The following NOX4 variants were observed in gnomAD, a reference collection of about 807,000 sequenced individuals.
NOX4 encodes kidney oxidase-1.
In NOX4, 69 loss-of-function variants were observed where a neutral mutation model predicts 87.6. That is an observed-to-expected ratio of 0.79 (90% CI 0.65 to 0.96). The LOEUF is 0.96. Ranked by LOEUF, NOX4 falls within the 40% of genes least tolerant of loss-of-function variation. The probability of loss-of-function intolerance (pLI) is 0.00; values close to 1 mark genes in which losing one functional copy is unlikely to be tolerated. For missense variants in NOX4, 680 were observed against 681.5 expected (o/e 1.00, Z 0.02); for synonymous variants, 275 against 238.2 (o/e 1.15, Z -1.42).
At chr11:89,389,234 C>T (rs1940945455) in intron 11 of NOX4, among the ~76,000 whole-genome samples, 1 of 152,042 alleles carries the variant, frequency 6.6e-6, no homozygotes, top group South Asian at 2.1e-4. Flanking sequence ...GTAGGGAAGT[C>T]AATGACATGT....
rs563498688 is a variant in NOX4, at chr11:89,467,451, A to G, written c.154-15556T>C. Among the ~76,000 whole-genome samples the G allele has an allele frequency of 5.9e-5, 9 of 152,200 alleles. No homozygotes were observed. The South Asian group carries it at 1.7e-3, about 28-fold the overall frequency. On this transcript the variant is annotated intron_variant, in intron 2 of 17. Coordinates refer to ENST00000263317, the MANE Select transcript of NOX4 (RefSeq NM_016931.5). The stretch of plus-strand genomic sequence containing the variant: ...CAGTCTGCTCTGGATGCTTTAAGAA[A>G]ATACCATAAACTGTGTGGCTTATAA...
chr11:89,520,814 C>A, the NOX4 span, among the ~76,000 whole-genome samples: 1 of 152,140 alleles, frequency 6.6e-6, no homozygotes, highest in Non-Finnish European at 1.5e-5. Context: ...TGCCAAAAGG[C>A]TCCTGGAACT....
At chr11:89,390,220 T>C (rs566289232) in intron 11 of NOX4, among the ~76,000 whole-genome samples, 2 of 152,316 alleles carry the variant, frequency 1.3e-5, no homozygotes, top group Admixed American at 1.3e-4. Context: ...AAATTTAGCT[T>C]AGAAATATTT....
At chr11:89,436,008 C>A (rs950320561) in intron 6 of NOX4, among the ~76,000 whole-genome samples, 7 of 152,052 alleles carry the variant, frequency 4.6e-5, no homozygotes, top group African/African-American at 1.7e-4. Flanking sequence ...TCAGAGTGAT[C>A]AAAAAGTCAG....
chr11:89,405,115 T>TGTGTGTGTGTGTGTG (rs58137988), intron 8 of NOX4, among the ~76,000 whole-genome samples: 166 of 149,914 alleles, frequency 1.1e-3, no homozygotes, highest in South Asian at 3.2e-3. Flanking sequence ...TGTGTGTGTG[T>TGTGTGTGTGTGTGTG]TGGAATGGGG....
At chr11:89,484,799 A>G (rs1024842462) in intron 2 of NOX4, among the ~76,000 whole-genome samples, 1 of 152,192 alleles carries the variant, frequency 6.6e-6, no homozygotes, top group Non-Finnish European at 1.5e-5. Context: ...TCTAAATAAC[A>G]GAATGTTAAG....
At chr11:89,452,241 C>T (rs1226391493) in intron 2 of NOX4, among the ~76,000 whole-genome samples, 1 of 152,172 alleles carries the variant, frequency 6.6e-6, no homozygotes, top group African/African-American at 2.4e-5. Flanking sequence ...TGCACCTCCA[C>T]ATTTATGTGG....
chr11:89,376,193 T>C (rs111366717), intron 11 of NOX4, among the ~76,000 whole-genome samples: 16 of 152,274 alleles, frequency 1.1e-4, no homozygotes, highest in African/African-American at 3.6e-4. Flanking sequence ...ATGAAGTCTT[T>C]ATAAGTCACT....
chr11:89,438,645 T>G lies in NOX4; in HGVS notation c.475+2043A>C, dbSNP rs1306150306. Among the ~76,000 whole-genome samples the G allele has an allele frequency of 6.1e-4, 47 of 77,320 alleles. 1 individual carries two copies. The highest frequency in any genetic ancestry group is 2.6e-3 in the African/African-American group (46 of 17,910). 50.7% of individuals were successfully genotyped at this position (77,320 alleles called of 152,430 possible). A position where few individuals can be genotyped will look rare whatever the true frequency, so the allele number is the denominator to read the frequency against. On this transcript the variant is annotated intron_variant, in intron 6 of 17. Coordinates refer to ENST00000263317, the MANE Select transcript of NOX4 (RefSeq NM_016931.5). ...ATATATTATATACTATATATAATAC[T>G]CTATATAATATATACTATATATTAT...
Position 89,400,373 on chromosome 11 carries a change from G to A in NOX4, c.853C>T (p.Leu285Phe). ...AGGCACAAAGGTCCAGAAATCCAAA[G>A]CCAAGTCTAAGACAAATTTTTGAAA... is the stretch of plus-strand genomic sequence containing the variant. ...RFQANFPQTW[L>F]WISGPLCLYC... The change falls in exon 10 of 18, where the codon CTT becomes TTT. Residue 285 changes from leucine (L) to phenylalanine (F), a missense_variant. By Grantham distance (22) the Leu-to-Phe change is conservative. Coordinates refer to ENST00000263317, the MANE Select transcript of NOX4 (RefSeq NM_016931.5). 1 of 1,570,728 alleles carries A rather than the reference G, an allele frequency of 6.4e-7. No homozygotes were observed. Among genetic ancestry groups the A allele is most frequent in the Non-Finnish European group, 8.6e-7 (1 of 1,160,706 alleles).
chr11:89,547,717 T>C, the NOX4 span, among the ~76,000 whole-genome samples: 1 of 152,188 alleles, frequency 6.6e-6, no homozygotes, highest in Non-Finnish European at 1.5e-5. Flanking sequence ...CACACGATTT[T>C]CAGGATCCAA....
the NOX4 span, among the ~76,000 whole-genome samples, chr11:89,557,915 G>A: frequency 5.9e-5 from 9 of 152,204 alleles, no homozygotes; most frequent in African/African-American, 2.2e-4. Context: ...GTGGTGTCAG[G>A]GAGACAGGAA....
In NOX4 at chr11:89,373,450, T is replaced by C. The variant is rs1939606220; in HGVS notation, c.1117A>G (p.Ile373Val). ...TACATACCTGTCCAGTCTCCTACTA[T>C]TTTAAGATGAACCCCAAATGTTGCT... ...TKATFGVHLK[I>V]VGDWTERFRD... Residue 373 changes from isoleucine to valine, a missense_variant, in exon 12 of 18, where the codon ATA becomes GTA. By Grantham distance (29) the Ile-to-Val change is conservative (BLOSUM62 3). Coordinates refer to ENST00000263317, the MANE Select transcript of NOX4 (RefSeq NM_016931.5). 2 of 1,596,658 alleles carry C rather than the reference T, an allele frequency of 1.3e-6. No homozygotes were observed. The highest frequency in any genetic ancestry group is 1.7e-6 in the Non-Finnish European group (2 of 1,165,120).
chr11:89,574,251 C>T, the NOX4 span, among the ~76,000 whole-genome samples: 1 of 152,160 alleles, frequency 6.6e-6, no homozygotes, highest in Non-Finnish European at 1.5e-5. Flanking sequence ...GTACGCTTGT[C>T]TGATTCCAAC....
Position 89,402,411 on chromosome 11 carries a change from C to T in NOX4, c.761G>A (p.Gly254Glu), listed in dbSNP as rs753538616. ...GGTAAACTCTGCCGGTTTTGAAAATCCTTCAGGGAAAGGTTCATGAAAATG... is the reference window on the plus strand; with the variant it reads ...GGTAAACTCTGCCGGTTTTGAAAATTCTTCAGGGAAAGGTTCATGAAAATG... The part of the protein sequence containing the change: ...SEHFHEPFPE[G>E]FSKPAEFTQH... The change falls in exon 9 of 18, where the codon GGA becomes GAA. Residue 254 changes from glycine (G) to glutamate (E), a missense_variant. Transcript: ENST00000263317. The T allele has an allele frequency of 6.2e-7, 1 of 1,612,964 alleles. No individual in the cohort carries two copies. The highest frequency in any genetic ancestry group is 1.7e-5 in the Admixed American group (1 of 59,850).
chr11:89,503,498 C>T, the NOX4 span, among the ~76,000 whole-genome samples: 8 of 151,728 alleles, frequency 5.3e-5, no homozygotes, highest in Non-Finnish European at 1.0e-4. Context: ...CTCTTTTCAG[C>T]TCATTAATAC....
chr11:89,521,755 T>C, the NOX4 span, among the ~76,000 whole-genome samples: 1 of 152,064 alleles, frequency 6.6e-6, no homozygotes, highest in Admixed American at 6.6e-5. Context: ...ACCTACAGAA[T>C]GGGAGAAGAT....
chr11:89,341,865 T>C (rs1469314695), intron 14 of NOX4, among the ~76,000 whole-genome samples: 1 of 152,182 alleles, frequency 6.6e-6, no homozygotes, highest in Admixed American at 6.5e-5. Context: ...ATAACTGTGA[T>C]ATGACATCTT....
chr11:89,405,745 T>TA (rs199918408), intron 8 of NOX4, among the ~76,000 whole-genome samples: 2,835 of 110,438 alleles, frequency 0.026, 100 homozygotes, highest in African/African-American at 0.11. Context: ...ACCTACTGGT[T>TA]AAAAAAGAAA....
Sources: allele counts gnomAD v4.1 joint callset (sites outside exome capture counted in the v4.1 genomes callset), GRCh38; gene constraint gnomAD v4.1.1; transcripts MANE v1.5; gene names NCBI Gene and HGNC (gene_info 2026-07-23, HGNC 2026-07-21).